The following PEX5L variants were observed in gnomAD, a reference collection of about 807,000 sequenced individuals.
PEX5L encodes peroxisomal biogenesis factor 5 like.
In PEX5L, 30 loss-of-function variants were observed where a neutral mutation model predicts 84.0. The observed-to-expected ratio is 0.36, with a 90% CI of 0.27 to 0.48. The LOEUF (loss-of-function observed/expected upper bound fraction) is 0.48, where lower values mean the gene tolerates loss of function less well. Among genes scored for constraint, PEX5L ranks in the 20% least tolerant of loss-of-function variants. The probability of loss-of-function intolerance (pLI) is 0.99; values close to 1 mark genes in which losing one functional copy is unlikely to be tolerated. For missense variants in PEX5L, 533 were observed against 754.6 expected, an observed-to-expected ratio of 0.71 and a Z score of 3.44; for synonymous variants, 270 against 283.1, an observed-to-expected ratio of 0.95 and a Z score of 0.46.
At chr3:179,894,322 G>T (rs575959598) in intron 3 of PEX5L, among the ~76,000 whole-genome samples, 1 of 152,010 alleles carries the variant, frequency 6.6e-6, no homozygotes, top group East Asian at 1.9e-4. Flanking sequence ...CTCTGTGATC[G>T]TAACTCTGAT....
chr3:179,940,341 G>A (rs1274482813), intron 2 of PEX5L, among the ~76,000 whole-genome samples: 1 of 152,018 alleles, frequency 6.6e-6, no homozygotes, highest in East Asian at 1.9e-4. Context: ...GAGGTGGTGA[G>A]AGAGAGAGAA....
At chr3:179,972,239 C>T (rs1002988677) in intron 1 of PEX5L, among the ~76,000 whole-genome samples, 4 of 150,062 alleles carry the variant, frequency 2.7e-5, no homozygotes, top group African/African-American at 9.8e-5. Flanking sequence ...ATTAGGTATT[C>T]GAAAAGTTGG....
At chr3:179,823,530 C>T (rs987150642) in intron 8 of PEX5L, among the ~76,000 whole-genome samples, 1 of 152,064 alleles carries the variant, frequency 6.6e-6, no homozygotes, top group African/African-American at 2.4e-5. Flanking sequence ...TTTTAATGTA[C>T]TTTTTACCAT....
intron 1 of PEX5L, among the ~76,000 whole-genome samples, chr3:180,020,575 C>A (rs1319375517): frequency 6.6e-6 from 1 of 151,922 alleles, no homozygotes; most frequent in Non-Finnish European, 1.5e-5. Flanking sequence ...AAAACTGAAA[C>A]CCACAGAGAT....
chr3:179,988,504 C>A (rs1381295725), intron 1 of PEX5L, among the ~76,000 whole-genome samples: 7 of 151,994 alleles, frequency 4.6e-5, no homozygotes. Context: ...CCCAAATACC[C>A]AGGAGGATTT....
Position 179,812,948 on chromosome 3 carries a change from A to C in PEX5L, c.1084-1077T>G, listed in dbSNP as rs1014547781. Among the ~76,000 whole-genome samples, 13 of 152,226 alleles carry C rather than the reference A, an allele frequency of 8.5e-5. 1 individual carries two copies. The highest frequency in any genetic ancestry group is 6.8e-3 in the Middle Eastern group (2 of 294). ...AACAAAACTCTATGAAAGCACAGTTATCTTAAAGTGCCATTTGAATGGTTT... is the reference window on the plus strand; with the variant it reads ...AACAAAACTCTATGAAAGCACAGTTCTCTTAAAGTGCCATTTGAATGGTTT... On this transcript the variant is annotated intron_variant, in intron 10 of 14. Transcript: ENST00000467460.
chr3:179,826,852 G>A (rs1304575028), intron 8 of PEX5L, among the ~76,000 whole-genome samples: 1 of 152,102 alleles, frequency 6.6e-6, no homozygotes, highest in African/African-American at 2.4e-5. Flanking sequence ...ACTGTGCATT[G>A]CATTATGAAA....
intron 1 of PEX5L, among the ~76,000 whole-genome samples, chr3:180,034,555 T>C (rs1394690630): frequency 1.3e-5 from 2 of 152,234 alleles, no homozygotes; most frequent in Admixed American, 6.5e-5. Flanking sequence ...CAATCTGTCA[T>C]AGGTATTTTT....
chr3:179,951,707 A>G (rs574892636), intron 2 of PEX5L, among the ~76,000 whole-genome samples: 316 of 152,254 alleles, frequency 2.1e-3, no homozygotes, highest in Admixed American at 5.4e-3. Context: ...CCTTTTTGTG[A>G]GACAGAAATA....
intron 8 of PEX5L, among the ~76,000 whole-genome samples, chr3:179,855,285 G>A (rs933563331): frequency 6.6e-6 from 1 of 152,156 alleles, no homozygotes; most frequent in Non-Finnish European, 1.5e-5. Flanking sequence ...AGAGATTTTG[G>A]AAAAATTCAA....
At chr3:180,034,188 T>C (rs78879502) in intron 1 of PEX5L, among the ~76,000 whole-genome samples, 3,883 of 152,286 alleles carry the variant, frequency 0.025, 168 homozygotes, top group African/African-American at 0.089. Context: ...GTCTCTTGGA[T>C]ACAGAAAAGA....
At position 179,971,606 on chromosome 3, in the gene PEX5L, A is replaced by G. The variant is rs763717740; in HGVS notation, c.81T>C (p.Val27=). The G allele has an allele frequency of 1.2e-5, 19 of 1,607,420 alleles. No individual in the cohort carries two copies. The highest frequency in any genetic ancestry group is 9.0e-5 in the East Asian group (4 of 44,612). ...AGTATTCACTTACCTGCTTTTGATCAACAATTATTTCGAGGTCTTCATCAC... is the reference window on the plus strand; with the variant it reads ...AGTATTCACTTACCTGCTTTTGATCGACAATTATTTCGAGGTCTTCATCAC... ...LSSDEDLEII[V]DQKQGKGSRA... is the part of the protein sequence containing the mutation. Residue 27 remains valine (V), a synonymous_variant, in exon 2 of 15, where the codon GTT becomes GTC. Transcript: ENST00000467460.
chr3:179,829,228 C>A (rs1416863813), intron 8 of PEX5L, among the ~76,000 whole-genome samples: 1 of 152,188 alleles, frequency 6.6e-6, no homozygotes, highest in African/African-American at 2.4e-5. Flanking sequence ...TTTCTCTGGA[C>A]TGTTTCAGTT....
intron 2 of PEX5L, among the ~76,000 whole-genome samples, chr3:179,966,544 A>T (rs528117619): frequency 2.6e-5 from 4 of 152,262 alleles, no homozygotes; most frequent in Non-Finnish European, 5.9e-5. Flanking sequence ...TTAGTTGCTT[A>T]GATGTTGGTA....
chr3:179,954,037 C>T (rs6804380), intron 2 of PEX5L, among the ~76,000 whole-genome samples: 108,957 of 152,070 alleles, frequency 0.72, 39,627 homozygotes, highest in East Asian at 0.89. Context: ...CTCTCAATGT[C>T]GTTAATTCTA....
chr3:179,877,068 C>T (rs554976858), intron 5 of PEX5L, among the ~76,000 whole-genome samples: 2 of 152,340 alleles, frequency 1.3e-5, no homozygotes, highest in East Asian at 1.9e-4. Flanking sequence ...TGTGACTTAT[C>T]ACATGAAGTC....
chr3:180,020,074 G>A (rs1451517828), intron 1 of PEX5L, among the ~76,000 whole-genome samples: 3 of 152,110 alleles, frequency 2.0e-5, no homozygotes, highest in African/African-American at 4.8e-5. Context: ...ACATCTCATC[G>A]AAAATTTCCC....
At chr3:179,906,469 T>C (rs1004452010) in intron 2 of PEX5L, among the ~76,000 whole-genome samples, 1 of 152,208 alleles carries the variant, frequency 6.6e-6, no homozygotes, top group Non-Finnish European at 1.5e-5. Flanking sequence ...AAAAACATTT[T>C]TTTCTTTTGC....
At chr3:179,826,357 C>T (rs988406716) in intron 8 of PEX5L, among the ~76,000 whole-genome samples, 7 of 152,238 alleles carry the variant, frequency 4.6e-5, no homozygotes, top group Non-Finnish European at 7.3e-5. Flanking sequence ...AGGCTTTTAG[C>T]ATATTCATTA....
Sources: gnomAD v4.1 joint callset for allele counts (sites outside exome capture counted in the v4.1 genomes callset) on GRCh38, gnomAD v4.1.1 for gene constraint, MANE v1.5 for transcripts, NCBI Gene and HGNC (gene_info 2026-07-23, HGNC 2026-07-21) for gene names.